Variants in DNAH9 observed in about 807,000 individuals in gnomAD.
DNAH9 encodes the protein dynein axonemal heavy chain 9.
In DNAH9, 345 loss-of-function variants were observed where a neutral mutation model predicts 471.6. The observed-to-expected ratio is 0.73, with a 90% CI of 0.67 to 0.80. The LOEUF (loss-of-function observed/expected upper bound fraction) is 0.80. Among genes scored for constraint, DNAH9 ranks in the 30% least tolerant of loss-of-function variants. The pLI is 0.00. For missense variants in DNAH9, 5,407 were observed against 5,609.2 expected (o/e 0.96, Z 1.15); for synonymous variants, 2,093 against 2,123.6 (o/e 0.99, Z 0.40).
chr17:11,874,721 C>T (rs1006166705), intron 52 of DNAH9, among the ~76,000 whole-genome samples: 2 of 151,160 alleles, frequency 1.3e-5, no homozygotes, highest in East Asian at 1.9e-4. Flanking sequence ...ATCAGTCACA[C>T]GAGTTGAATT....
Position 11,932,947 on chromosome 17 carries a change from G to A in DNAH9, c.12297+742G>A, listed in dbSNP as rs751861268. The stretch of plus-strand genomic sequence containing the variant: ...TCGTCAAGGTTATTCTAGTTCAGGA[G>A]CCAAACACAGAGTCAACAGGGCCAC... On this transcript the variant is annotated intron_variant, in intron 64 of 68. Transcript: ENST00000262442. This position sits in a 1 kb window ranked among gnomAD's most constrained non-coding sequence, Gnocchi z 4.3. Among the ~76,000 whole-genome samples the A allele has an allele frequency of 3.9e-5, 6 of 152,188 alleles. No individual in the cohort carries two copies. Among genetic ancestry groups the A allele is most frequent in the Non-Finnish European group, 7.3e-5 (5 of 68,034 alleles).
At chr17:11,730,080 G>A (rs779865411) in intron 28 of DNAH9, among the ~76,000 whole-genome samples, 4 of 152,176 alleles carry the variant, frequency 2.6e-5, no homozygotes, top group African/African-American at 7.2e-5. Flanking sequence ...TTGCCAGAAC[G>A]TGAGGCTCTT....
Position 11,797,751 on chromosome 17 carries a change from C to A in DNAH9, c.8378C>A (p.Thr2793Lys). Residue 2793 changes from threonine to lysine, a missense_variant, in exon 43 of 69, where the codon ACA becomes AAA. Physicochemically the swap from Thr to Lys is moderately conservative, Grantham distance 78. Transcript: ENST00000262442. ...TTGGAGAACCACAATGAAGTCAACA[C>A]AGTGATGGACCTAGTTCTCTTTGAG... ...EALENHNEVN[T>K]VMDLVLFEDA... The A allele has an allele frequency of 1.2e-6, 2 of 1,614,226 alleles. No homozygotes were observed. Among genetic ancestry groups the A allele is most frequent in the Non-Finnish European group, 1.7e-6 (2 of 1,180,040 alleles).
intron 36 of DNAH9, among the ~76,000 whole-genome samples, chr17:11,764,705 T>C (rs1273138812): frequency 2.0e-5 from 3 of 150,004 alleles, no homozygotes; most frequent in African/African-American, 7.4e-5. Flanking sequence ...GATTTCCTTT[T>C]TCTTAAAAAA....
chr17:11,947,908 G>C (rs1975196619), intron 67 of DNAH9, among the ~76,000 whole-genome samples: 1 of 148,582 alleles, frequency 6.7e-6, no homozygotes, highest in African/African-American at 2.5e-5. Context: ...CAGCCTCCCG[G>C]CTCCCGCCAG....
At position 11,757,637 on chromosome 17, in the gene DNAH9, T is replaced by A; in HGVS notation, c.6940T>A (p.Leu2314Ile). The change falls in exon 35 of 69, where the codon TTA (leucine) becomes ATA (isoleucine). Residue 2314 changes from leucine to isoleucine, a missense_variant. Leu to Ile is a conservative substitution (Grantham distance 5). Around this residue, in one of 3 missense-constraint regions of DNAH9, gnomAD observed 4,636 missense variants for 4,900.3 expected, o/e 0.95. Coordinates refer to ENST00000262442, the MANE Select transcript of DNAH9 (RefSeq NM_001372.4). ...GGAAATCCAGACAGAGAGAGCCAACTTAACCATTTTGTTCGACAAGTATCT... is the reference window on the plus strand; with the variant it reads ...GGAAATCCAGACAGAGAGAGCCAACATAACCATTTTGTTCGACAAGTATCT... ...KREIQTERAN[L>I]TILFDKYLPT... 1 of 1,614,142 alleles carries A rather than the reference T, an allele frequency of 6.2e-7. No homozygotes were observed. The highest frequency in any genetic ancestry group is 1.1e-5 in the South Asian group (1 of 91,080).
rs773951585 is a variant in DNAH9, at chr17:11,664,830, T to C, written c.2596-3T>C. 3.7e-6 allele frequency: 6 copies of C among 1,611,714 alleles called. 1 individual carries two copies. In the South Asian group the frequency reaches 4.4e-5, roughly 12 times the overall value. On this transcript the variant is annotated splice_polypyrimidine_tract_variant and splice_region_variant and intron_variant, in intron 14 of 68. Coordinates refer to ENST00000262442, the MANE Select transcript of DNAH9 (RefSeq NM_001372.4). ...TTTATATCCTTTCTTCTTCCTTTTA[T>C]AGGAAAACCTGGGTCTATTTTCAGC...
At chr17:11,680,243 GA>G (rs779003153) in intron 18 of DNAH9, among the ~76,000 whole-genome samples, 62 of 142,898 alleles carry the variant, frequency 4.3e-4, no homozygotes, top group South Asian at 6.7e-4. Context: ...TTTTGGTTGA[GA>G]AAAAAAAAAA....
chr17:11,839,426 G>A (rs1241192479), intron 49 of DNAH9, among the ~76,000 whole-genome samples: 1 of 151,812 alleles, frequency 6.6e-6, no homozygotes, highest in Admixed American at 6.6e-5. Context: ...TGAGGCAGAG[G>A]AATGGCATGA....
At chr17:11,714,948 GGCCTTGTGAGACCCTC>G in intron 26 of DNAH9, among the ~76,000 whole-genome samples, 1 of 152,280 alleles carries the variant, frequency 6.6e-6, no homozygotes, top group East Asian at 1.9e-4. Context: ...CCTTGACTCT[GGCCTTGTGAGACCCTC>G]AGCAGAGAAC....
chr17:11,765,993 C>G (rs1038726488), intron 36 of DNAH9, among the ~76,000 whole-genome samples: 6 of 152,082 alleles, frequency 3.9e-5, no homozygotes, highest in Admixed American at 1.3e-4. Context: ...TCCCCTCAAG[C>G]CTTTTAAAAG....
chr17:11,953,224 G>A (rs930142446), intron 67 of DNAH9, among the ~76,000 whole-genome samples: 1 of 152,140 alleles, frequency 6.6e-6, no homozygotes, highest in Non-Finnish European at 1.5e-5. Context: ...CCCTGCAGCT[G>A]CTGCCCACAG....
intron 50 of DNAH9, among the ~76,000 whole-genome samples, chr17:11,856,392 ATCTC>A (rs950957004): frequency 1.3e-5 from 2 of 152,086 alleles, no homozygotes; most frequent in Non-Finnish European, 2.9e-5. Context: ...CTTGAGACCA[ATCTC>A]TCTATTTAAA....
Position 11,854,404 on chromosome 17 carries a change from G to T in DNAH9, c.9909G>T (p.Leu3303=). 1 of 1,613,076 alleles carries T rather than the reference G, an allele frequency of 6.2e-7. No individual in the cohort carries two copies. Among genetic ancestry groups the T allele is most frequent in the Non-Finnish European group, 8.5e-7 (1 of 1,179,334 alleles). ...ACCTCACAGCTGCCCAGGAGAAGCT[G>T]GCTGCCATCAAAGCCAAGATCGCTG... ...TADLTAAQEK[L]AAIKAKIAHL... is the part of the protein sequence containing the mutation. Residue 3303 remains leucine, a synonymous_variant, in exon 50 of 69, where the codon CTG becomes CTT. Coordinates refer to ENST00000262442, the MANE Select transcript of DNAH9 (RefSeq NM_001372.4).
At chr17:11,688,847 C>G (rs980712701) in intron 19 of DNAH9, among the ~76,000 whole-genome samples, 3 of 152,074 alleles carry the variant, frequency 2.0e-5, no homozygotes, top group Non-Finnish European at 4.4e-5. Context: ...CCTGTAATCC[C>G]AGCACTTTTG....
chr17:11,781,991 GAA>G (rs35521342), intron 39 of DNAH9, among the ~76,000 whole-genome samples: 10 of 141,364 alleles, frequency 7.1e-5, no homozygotes, highest in Admixed American at 2.1e-4. Context: ...AACTTACTAG[GAA>G]AAAAAAAAAA....
At chr17:11,800,912 G>T (rs1011205696) in intron 43 of DNAH9, among the ~76,000 whole-genome samples, 3 of 152,180 alleles carry the variant, frequency 2.0e-5, no homozygotes, top group Admixed American at 2.0e-4. Context: ...ACTAAATCAT[G>T]CAGAGGAAAA....
chr17:11,705,369 C>T, intron 26 of DNAH9, 184 bp downstream of exon 26: 1 of 568,690 alleles, frequency 1.8e-6, no homozygotes, highest in African/African-American at 1.9e-5. Context: ...TTTCTTGGAA[C>T]AAATCCCAGA....
chr17:11,902,904 T>C lies in DNAH9; in HGVS notation c.11592T>C (p.Tyr3864=). ...LRAMRPDRMT[Y]ALRDFVEEKL... ...CCATGCGGCCCGACCGGATGACCTA[T>C]GCTTTGCGGTAGGAAACAGGGTGGT... The change falls in exon 60 of 69, where the codon TAT becomes TAC. Residue 3864 remains tyrosine, a synonymous_variant. Transcript: ENST00000262442. 3 of 1,612,674 alleles carry C rather than the reference T, an allele frequency of 1.9e-6. No individual in the cohort carries two copies. Among genetic ancestry groups the C allele is most frequent in the Non-Finnish European group, 2.5e-6 (3 of 1,179,572 alleles).
Sources: gnomAD v4.1 joint callset for allele counts (sites outside exome capture counted in the v4.1 genomes callset) on GRCh38, gnomAD v4.1.1 for gene constraint, gnomAD v4.1.1 regional missense constraint, Gnocchi (gnomAD v3.1) non-coding constraint, MANE v1.5 for transcripts, NCBI Gene and HGNC (gene_info 2026-07-23, HGNC 2026-07-21) for gene names.